Variants in TMEM165 observed in about 807,000 individuals in gnomAD.
TMEM165 encodes the protein putative divalent cation/proton antiporter TMEM165.
Under a neutral mutation model 30.0 loss-of-function variants are expected in TMEM165, and 19 were observed. That is an observed-to-expected ratio of 0.63 (90% CI 0.44 to 0.93). The LOEUF is 0.93. Ranked by LOEUF, TMEM165 falls within the 40% of genes least tolerant of loss-of-function variation. TMEM165 has a pLI of 0.00. For synonymous variants in TMEM165, 168 were observed against 162.9 expected (o/e 1.03, Z -0.24); for missense variants, 340 against 417.0 (o/e 0.82, Z 1.61).
At chr4:55,447,651 C>G (rs1242362027) in intron 3 of TMEM165, among the ~76,000 whole-genome samples, 1 of 151,850 alleles carries the variant, frequency 6.6e-6, no homozygotes, top group East Asian at 1.9e-4. Flanking sequence ...GAAAATATCC[C>G]CATAACATGT....
intron 1 of TMEM165, among the ~76,000 whole-genome samples, chr4:55,403,550 AAG>A (rs1265286962): frequency 2.3e-5 from 3 of 131,170 alleles, no homozygotes; most frequent in South Asian, 3.1e-4. Context: ...TTAACTAGAA[AAG>A]AGTTTTTATT....
At chr4:55,416,952 T>C (rs1161304599) in intron 2 of TMEM165, 120 bp from the exon 3 acceptor site, 7 of 793,870 alleles carry the variant, frequency 8.8e-6, no homozygotes, top group Middle Eastern at 3.6e-4. Flanking sequence ...ACATACTAGA[T>C]TAGCTTCTAA....
chr4:55,403,175 C>T (rs1162762648), intron 1 of TMEM165: 1 of 1,028,428 alleles, frequency 9.7e-7, no homozygotes, highest in African/African-American at 1.7e-5. Flanking sequence ...CCTTTGTCTT[C>T]AGATAATCTC....
intron 1 of TMEM165, among the ~76,000 whole-genome samples, chr4:55,401,776 T>G (rs1721003024): frequency 6.7e-6 from 1 of 150,330 alleles, no homozygotes; most frequent in African/African-American, 2.5e-5. Context: ...ATATTAATAC[T>G]GAATTTATTT....
At position 55,396,410 on chromosome 4, in the gene TMEM165, G is replaced by T. The variant is rs1438256763; in HGVS notation, c.207+14G>T. On this transcript the variant is annotated intron_variant, in intron 1 of 5. Coordinates refer to ENST00000381334, the MANE Select transcript of TMEM165 (RefSeq NM_018475.5). ...GCCCGGGTCGAGGTGAGCGGGCCGGGATGGGGCGAGCGAGGCTGCAGGGCC... is the reference window on the plus strand; with the variant it reads ...GCCCGGGTCGAGGTGAGCGGGCCGGTATGGGGCGAGCGAGGCTGCAGGGCC... 1 of 1,450,170 alleles carries T rather than the reference G, an allele frequency of 6.9e-7. No individual in the cohort carries two copies. The highest frequency in any genetic ancestry group is 9.0e-7 in the Non-Finnish European group (1 of 1,110,280). The allele number at this position is 1,450,170 out of a possible 1,614,324, so 89.8% of individuals were successfully genotyped here. A position where few individuals can be genotyped will look rare whatever the true frequency, so the allele number is the denominator to read the frequency against.
At chr4:55,427,901 C>T (rs1722299060), downstream of TMEM165, 1 of 152,190 alleles carries the variant, frequency 6.6e-6, no homozygotes, top group Non-Finnish European at 1.5e-5. Flanking sequence ...AGGGAAATGT[C>T]ATTGATAGTG....
At chr4:55,419,493 C>G (rs1298713440) in intron 4 of TMEM165, among the ~76,000 whole-genome samples, 1 of 152,092 alleles carries the variant, frequency 6.6e-6, no homozygotes, top group Non-Finnish European at 1.5e-5. Flanking sequence ...CACAGTTGTT[C>G]AATGCCACTT....
intron 3 of TMEM165, among the ~76,000 whole-genome samples, chr4:55,451,380 C>CT (rs1326522487): frequency 2.0e-5 from 3 of 152,198 alleles, no homozygotes; most frequent in Admixed American, 6.5e-5. Flanking sequence ...TTATTCCTAA[C>CT]TTACTAGCTA....
chr4:55,398,231 G>C (rs1315284977), intron 1 of TMEM165, among the ~76,000 whole-genome samples: 1 of 152,188 alleles, frequency 6.6e-6, no homozygotes, highest in Admixed American at 6.5e-5. Context: ...CCCCTTACTG[G>C]AAGTACTCAG....
At chr4:55,402,433 ATT>A (rs1170738654) in intron 1 of TMEM165, among the ~76,000 whole-genome samples, 5 of 30,796 alleles carry the variant, frequency 1.6e-4, no homozygotes, top group Non-Finnish European at 2.1e-4. Flanking sequence ...ATATATATAT[ATT>A]TTTTTTTTTT....
intron 3 of TMEM165, chr4:55,432,533 T>C (rs539024503): frequency 1.1e-4 from 16 of 145,804 alleles, no homozygotes; most frequent in African/African-American, 3.5e-4. Context: ...TTAAATGCTA[T>C]AGATTTGGGA....
intron 1 of TMEM165, among the ~76,000 whole-genome samples, chr4:55,408,437 CT>C (rs2109536822): frequency 6.6e-6 from 1 of 152,230 alleles, no homozygotes; most frequent in African/African-American, 2.4e-5. Context: ...TAGCCTATGG[CT>C]TTTAGGCTAC....
intron 1 of TMEM165, among the ~76,000 whole-genome samples, chr4:55,407,218 C>T (rs1057411529): frequency 6.6e-6 from 1 of 151,810 alleles, no homozygotes; most frequent in African/African-American, 2.4e-5. Flanking sequence ...AGGGGGATAA[C>T]GAAAAGGAGG....
chr4:55,415,337 C>G (rs1342643553), intron 2 of TMEM165: 1 of 152,116 alleles, frequency 6.6e-6, no homozygotes, highest in Non-Finnish European at 1.5e-5. Context: ...CAGTGAGAGC[C>G]TCTCCAAACT....
rs139727823 is a variant in TMEM165, at chr4:55,410,769, C to T, written c.208-845C>T. On this transcript the variant is annotated intron_variant, in intron 1 of 5. Transcript: ENST00000381334. ...TTTAAACATACCTGGGTCTTTCATG[C>T]AAGTTACTAATACAAATTTGAATGA... is the stretch of plus-strand genomic sequence containing the variant. Among the ~76,000 whole-genome samples, 230 of 152,250 alleles carry T rather than the reference C, an allele frequency of 1.5e-3. 1 individual carries two copies. Among genetic ancestry groups the T allele is most frequent in the African/African-American group, 4.9e-3 (202 of 41,544 alleles).
At chr4:55,413,314 TTATC>T (rs1320686013) in intron 2 of TMEM165, among the ~76,000 whole-genome samples, 1 of 151,500 alleles carries the variant, frequency 6.6e-6, no homozygotes, top group Non-Finnish European at 1.5e-5. Context: ...TTTTATTTAT[TTATC>T]TTTTTATTTA....
At chr4:55,418,088 A>G in intron 4 of TMEM165, 103 bp downstream of exon 4, 2 of 1,107,308 alleles carry the variant, frequency 1.8e-6, no homozygotes, top group Admixed American at 2.7e-5. Context: ...GCATTCCTTC[A>G]TATGCAAGAC....
At chr4:55,404,305 A>G (rs2459220) in intron 1 of TMEM165, among the ~76,000 whole-genome samples, 103,040 of 151,802 alleles carry the variant, frequency 0.68, 36,932 homozygotes, top group East Asian at 0.98. Flanking sequence ...GTGAGCCACC[A>G]TGCCCAGCCA....
Position 55,435,320 on chromosome 4 carries a change from C to G in TMEM165, c.408+10677C>G, listed in dbSNP as rs1416148309. On this transcript the variant is annotated intron_variant, in intron 3 of 3. Transcript: ENST00000608091. ...ACACTCAATACTGCATCTCATGAAA[C>G]TGCTGGAACTTTCCCTCCTTTCCTC... 13 of 1,444,908 alleles carry G rather than the reference C, an allele frequency of 9.0e-6. No homozygotes were observed. In the East Asian group the frequency reaches 3.0e-4, roughly 33 times the overall value. The allele number at this position is 1,444,908 out of a possible 1,614,324, so 89.5% of individuals were successfully genotyped here.
Sources: gnomAD v4.1 joint callset for allele counts (sites outside exome capture counted in the v4.1 genomes callset) on GRCh38, gnomAD v4.1.1 for gene constraint, MANE v1.5 for transcripts, NCBI Gene and HGNC (gene_info 2026-07-23, HGNC 2026-07-21) for gene names.